MAF: variants seen among roughly 807,000 people sequenced by gnomAD.
The protein encoded by MAF is MAF bZIP transcription factor, also known as transcription factor Maf.
In MAF, 10 loss-of-function variants were observed where a neutral mutation model predicts 22.0. The observed-to-expected ratio is 0.45, with a 90% CI of 0.28 to 0.77. The LOEUF (loss-of-function observed/expected upper bound fraction) is 0.77. Among genes scored for constraint, MAF ranks in the 30% least tolerant of loss-of-function variants. The pLI, the probability that MAF is intolerant of heterozygous loss-of-function variation, is 0.12. For missense variants in MAF, 544 were observed against 548.4 expected, an observed-to-expected ratio of 0.99 and a Z score of 0.08; for synonymous variants, 337 against 255.8, an observed-to-expected ratio of 1.32 and a Z score of -3.03.
At chr16:79,256,710 C>T in the MAF span, among the ~76,000 whole-genome samples, 28 of 152,246 alleles carry the variant, frequency 1.8e-4, no homozygotes, top group Admixed American at 5.9e-4. Flanking sequence ...GTCTGTTCAC[C>T]GGCACTCAAT....
At chr16:79,290,475 T>C in the MAF span, among the ~76,000 whole-genome samples, 1 of 152,126 alleles carries the variant, frequency 6.6e-6, no homozygotes, top group African/African-American at 2.4e-5. Flanking sequence ...AGAATCATCT[T>C]TTTAGAGAGA....
rs1242827280 is a variant in MAF at position 79,598,970 on chromosome 16, C to T, written c.933G>A (p.Gln311=). The change falls in exon 1 of 2, where the codon CAG becomes CAA. Residue 311 remains glutamine (Q), a synonymous_variant. Coordinates refer to ENST00000326043, the MANE Select transcript of MAF (RefSeq NM_005360.5). ...TCTCCGACTCCAGGACGTGTCTCTG[C>T]TGCACCCTCTTGAAGCGGCAGGACT... is the stretch of plus-strand genomic sequence containing the variant. ...YAQSCRFKRV[Q]QRHVLESEKN... 6.2e-7 allele frequency: 1 copy of T among 1,613,860 alleles called. No homozygotes were observed. The highest frequency in any genetic ancestry group is 8.5e-7 in the Non-Finnish European group (1 of 1,179,954).
chr16:79,415,808 C>T, the MAF span, among the ~76,000 whole-genome samples: 1 of 151,892 alleles, frequency 6.6e-6, no homozygotes, highest in Admixed American at 6.6e-5. Context: ...ATCCCGGAGC[C>T]TCAGCTTCCT....
downstream of MAF, among the ~76,000 whole-genome samples, chr16:79,592,909 A>G (rs441333): frequency 0.38 from 58,064 of 152,110 alleles, 11,835 homozygotes; most frequent in East Asian, 0.54. Flanking sequence ...TGAAGCTGGT[A>G]AATCTCACTT....
chr16:79,439,208 C>G, the MAF span, among the ~76,000 whole-genome samples: 1 of 151,122 alleles, frequency 6.6e-6, no homozygotes, highest in Non-Finnish European at 1.5e-5. Context: ...TGCACCTGCA[C>G]AAGTCCACCT....
At chr16:79,212,008 G>T in the MAF span, 1 of 1,536,260 alleles carries the variant, frequency 6.5e-7, no homozygotes, top group Non-Finnish European at 8.7e-7. Context: ...GCTGGGCTAG[G>T]CATAGGTCTC....
the MAF span, among the ~76,000 whole-genome samples, chr16:79,313,752 A>G: frequency 1.3e-5 from 2 of 152,048 alleles, no homozygotes; most frequent in South Asian, 4.2e-4. Context: ...TCCGCTCTCA[A>G]TGGGGAAGAA....
chr16:79,210,242 A>AACAG, the MAF span, among the ~76,000 whole-genome samples: 18 of 152,130 alleles, frequency 1.2e-4, no homozygotes, highest in African/African-American at 4.3e-4. Context: ...AAACCAAACA[A>AACAG]CAATGACAAC....
the MAF span, among the ~76,000 whole-genome samples, chr16:79,408,422 C>T: frequency 5.9e-5 from 9 of 152,166 alleles, no homozygotes; most frequent in South Asian, 2.1e-4. Flanking sequence ...GTGATCTGCC[C>T]GCCTCAGCCT....
Position 79,598,841 on chromosome 16 carries a change from G to C in MAF, c.1062C>G (p.Ser354Arg), listed in dbSNP as rs922669496. The change falls in exon 1 of 2, where the codon AGC (serine) becomes AGG (arginine). Residue 354 changes from serine (S) to arginine (R), a missense_variant. Ser to Arg is a moderately radical substitution (Grantham distance 110). This residue lies in a region of MAF where 129 missense variants were observed against 113.6 expected (regional missense o/e 1.14). Coordinates refer to ENST00000326043, the MANE Select transcript of MAF (RefSeq NM_005360.5). ...TGCTCGAGCCGTTTTCTCGGAAGCC[G>C]CTGCTCACCAACTTCTCGTATTTCT... ...YKEKYEKLVS[S>R]GFRENGSSSD... is the part of the protein sequence containing the mutation. 6.2e-7 allele frequency: 1 copy of C among 1,613,678 alleles called. No individual in the cohort carries two copies.
chr16:79,494,058 G>C, the MAF span, among the ~76,000 whole-genome samples: 5 of 152,088 alleles, frequency 3.3e-5, no homozygotes, highest in East Asian at 9.6e-4. Flanking sequence ...TATTTCCAAA[G>C]CCTTCTATCA....
At chr16:79,312,728 G>A in the MAF span, among the ~76,000 whole-genome samples, 1 of 152,322 alleles carries the variant, frequency 6.6e-6, no homozygotes, top group African/African-American at 2.4e-5. Context: ...CGCAGGGCCT[G>A]TCTTCGTGCC....
At chr16:79,308,911 T>C in the MAF span, among the ~76,000 whole-genome samples, 1 of 152,114 alleles carries the variant, frequency 6.6e-6, no homozygotes, top group Non-Finnish European at 1.5e-5. Flanking sequence ...GACTCCTGCC[T>C]TTAGAAAGCG....
the MAF span, among the ~76,000 whole-genome samples, chr16:79,423,337 G>A: frequency 1.5e-4 from 23 of 152,116 alleles, no homozygotes; most frequent in African/African-American, 5.3e-4. Context: ...TGTCTGGAGA[G>A]CAGCAAGGAG....
the MAF span, among the ~76,000 whole-genome samples, chr16:79,576,399 G>A: frequency 1.9e-3 from 287 of 152,216 alleles, no homozygotes; most frequent in African/African-American, 2.5e-3. Context: ...CCTTCCCCAC[G>A]GAGGGTCGTC....
At chr16:79,497,710 C>T in the MAF span, among the ~76,000 whole-genome samples, 1 of 152,166 alleles carries the variant, frequency 6.6e-6, no homozygotes, top group Admixed American at 6.5e-5. Flanking sequence ...ATAATGAACA[C>T]TCAAGAAATG....
chr16:79,291,295 G>A, the MAF span, among the ~76,000 whole-genome samples: 1 of 152,134 alleles, frequency 6.6e-6, no homozygotes, highest in South Asian at 2.1e-4. Context: ...GGTTTGGACA[G>A]TGGGAGGTGC....
chr16:79,462,799 A>G, the MAF span, among the ~76,000 whole-genome samples: 7 of 152,220 alleles, frequency 4.6e-5, no homozygotes, highest in Non-Finnish European at 5.9e-5. Flanking sequence ...GCACTCTGCT[A>G]GGTGCTAGGG....
chr16:79,370,410 G>A, the MAF span, among the ~76,000 whole-genome samples: 1 of 152,088 alleles, frequency 6.6e-6, no homozygotes, highest in African/African-American at 2.4e-5. Context: ...TGACACCTCT[G>A]GACTCACAGA....
Sources: allele counts gnomAD v4.1 joint callset (sites outside exome capture counted in the v4.1 genomes callset), GRCh38; gene constraint gnomAD v4.1.1; regional missense constraint gnomAD v4.1.1; transcripts MANE v1.5; gene names NCBI Gene and HGNC (gene_info 2026-07-23, HGNC 2026-07-21).